NKAIN2: variants seen among roughly 807,000 people sequenced by gnomAD.
The protein encoded by NKAIN2 is sodium/potassium transporting ATPase interacting 2.
NKAIN2 carries 14 observed loss-of-function variants against 32.6 expected under a neutral mutation model. The observed-to-expected ratio is 0.43, with a 90% CI of 0.28 to 0.67. The LOEUF is 0.67. NKAIN2 is among the 30% of genes least tolerant of loss of function. NKAIN2 has a pLI of 0.17. For synonymous variants in NKAIN2, 80 were observed against 87.2 expected (o/e 0.92, Z 0.46); for missense variants, 198 against 258.3 (o/e 0.77, Z 1.60).
At chr6:124,461,717 G>C (rs1246666268) in intron 3 of NKAIN2, among the ~76,000 whole-genome samples, 1 of 151,744 alleles carries the variant, frequency 6.6e-6, no homozygotes, top group Non-Finnish European at 1.5e-5. Context: ...TAATTGGCTA[G>C]TGCACTCATT....
intron 1 of NKAIN2, among the ~76,000 whole-genome samples, chr6:124,085,410 A>T: frequency 6.6e-6 from 1 of 152,068 alleles, no homozygotes; most frequent in East Asian, 1.9e-4. Context: ...CAGAGTATCT[A>T]TGTATTTCAG....
intron 1 of NKAIN2, among the ~76,000 whole-genome samples, chr6:123,925,211 A>C (rs1396576277): frequency 6.6e-6 from 1 of 152,204 alleles, no homozygotes; most frequent in Non-Finnish European, 1.5e-5. Flanking sequence ...TATGACCTGC[A>C]GTAAAAAGAA....
chr6:123,873,530 T>G (rs2114294367), intron 1 of NKAIN2, among the ~76,000 whole-genome samples: 1 of 152,266 alleles, frequency 6.6e-6, no homozygotes, highest in South Asian at 2.1e-4. Flanking sequence ...TTTTTGAAGG[T>G]TTCTCTGAAG....
At chr6:124,808,699 G>C (rs1319807434) in intron 5 of NKAIN2, among the ~76,000 whole-genome samples, 3 of 152,202 alleles carry the variant, frequency 2.0e-5, no homozygotes, top group Non-Finnish European at 4.4e-5. Flanking sequence ...AATTGTCCCT[G>C]TTTGCAGATG....
At chr6:124,272,698 A>G (rs1043278869) in intron 1 of NKAIN2, among the ~76,000 whole-genome samples, 1 of 152,142 alleles carries the variant, frequency 6.6e-6, no homozygotes, top group African/African-American at 2.4e-5. Flanking sequence ...AACAGCTTGC[A>G]CCATGCACCT....
At chr6:124,414,283 A>G (rs1466947149) in intron 3 of NKAIN2, among the ~76,000 whole-genome samples, 12 of 152,156 alleles carry the variant, frequency 7.9e-5, no homozygotes, top group Admixed American at 7.9e-4. Flanking sequence ...TTCACTTATT[A>G]AGATGATCAC....
At chr6:124,751,911 A>G (rs932247552) in intron 4 of NKAIN2, among the ~76,000 whole-genome samples, 7 of 151,878 alleles carry the variant, frequency 4.6e-5, no homozygotes, top group Non-Finnish European at 7.4e-5. Context: ...GGTCCTGGGA[A>G]ATTGAGGCTG....
rs765498480 is a variant in NKAIN2 at position 123,904,516 on chromosome 6, CT to C, written c.54+100266del. Among the ~76,000 whole-genome samples, 21 of 152,290 alleles carry C rather than the reference CT, an allele frequency of 1.4e-4. No homozygotes were observed. The East Asian group carries it at 2.7e-3, about 20-fold the overall frequency. ...TTGTTTCCCGGGTTACCCTCTCAGA[CT>C]TTTGCAATGTTCAGCCTTGCTTTAA... On this transcript the variant is annotated intron_variant, in intron 1 of 6. Coordinates refer to ENST00000368417, the MANE Select transcript of NKAIN2 (RefSeq NM_001040214.3).
chr6:124,727,038 C>T (rs1184427648), intron 4 of NKAIN2, among the ~76,000 whole-genome samples: 6 of 151,750 alleles, frequency 4.0e-5, no homozygotes, highest in Admixed American at 6.6e-5. Flanking sequence ...GCAAAGCCTC[C>T]AAGAAATATG....
chr6:124,087,960 T>G (rs1394406168), intron 1 of NKAIN2, among the ~76,000 whole-genome samples: 1 of 151,994 alleles, frequency 6.6e-6, no homozygotes, highest in Non-Finnish European at 1.5e-5. Context: ...AATGTGTAGC[T>G]TAAGGATTTA....
intron 1 of NKAIN2, among the ~76,000 whole-genome samples, chr6:124,120,071 A>G (rs1379807835): frequency 1.3e-5 from 2 of 152,214 alleles, no homozygotes; most frequent in Non-Finnish European, 2.9e-5. Context: ...GGAAGCAAAG[A>G]AAACAGGTGT....
intron 1 of NKAIN2, among the ~76,000 whole-genome samples, chr6:124,071,667 C>T (rs1001199628): frequency 2.0e-5 from 3 of 151,990 alleles, no homozygotes; most frequent in Non-Finnish European, 2.9e-5. Flanking sequence ...GGGCAAAACA[C>T]ATGCACAGAC....
At chr6:124,181,946 G>T (rs761758254) in intron 1 of NKAIN2, among the ~76,000 whole-genome samples, 1 of 152,068 alleles carries the variant, frequency 6.6e-6, no homozygotes, top group African/African-American at 2.4e-5. Flanking sequence ...GTTATCTTTA[G>T]AGCAGCACCG....
intron 2 of NKAIN2, among the ~76,000 whole-genome samples, chr6:124,302,481 T>C (rs925111861): frequency 1.1e-4 from 16 of 152,212 alleles, no homozygotes; most frequent in African/African-American, 3.6e-4. Flanking sequence ...TTTATAATTT[T>C]TGAGTATGCT....
intron 3 of NKAIN2, among the ~76,000 whole-genome samples, chr6:124,368,515 T>A (rs1177731638): frequency 6.6e-6 from 1 of 152,120 alleles, no homozygotes; most frequent in Non-Finnish European, 1.5e-5. Context: ...TGATGGGTAT[T>A]GAAAGAGGGT....
Position 124,717,304 on chromosome 6 carries a change from ACTGT to A in NKAIN2, c.474+58921_474+58924del, listed in dbSNP as rs546829568. Among the ~76,000 whole-genome samples the A allele has an allele frequency of 2.1e-3, 320 of 152,302 alleles. 1 individual carries two copies. Among genetic ancestry groups the A allele is most frequent in the African/African-American group, 7.4e-3 (306 of 41,562 alleles). ...CACTTTATATATGTAACATTTTCCC[ACTGT>A]CTAAGACAATTGGTGATACTCAATA... On this transcript the variant is annotated intron_variant, in intron 4 of 6. Transcript: ENST00000368417.
chr6:124,104,376 A>T (rs957150475), intron 1 of NKAIN2, among the ~76,000 whole-genome samples: 2 of 152,040 alleles, frequency 1.3e-5, no homozygotes, highest in African/African-American at 4.8e-5. Context: ...GATGATGATG[A>T]TATTTTGGTG....
At chr6:124,696,655 G>A (rs1774512216) in intron 4 of NKAIN2, among the ~76,000 whole-genome samples, 1 of 152,074 alleles carries the variant, frequency 6.6e-6, no homozygotes, top group Admixed American at 6.5e-5. Flanking sequence ...ACCCTGACAA[G>A]TTAAATTGCT....
intron 4 of NKAIN2, among the ~76,000 whole-genome samples, chr6:124,741,304 T>A: frequency 6.6e-6 from 1 of 151,836 alleles, no homozygotes; most frequent in East Asian, 2.0e-4. Context: ...CATTAATATT[T>A]AGATATTACT....
Sources: allele counts gnomAD v4.1 joint callset (sites outside exome capture counted in the v4.1 genomes callset), GRCh38; gene constraint gnomAD v4.1.1; transcripts MANE v1.5; gene names NCBI Gene and HGNC (gene_info 2026-07-23, HGNC 2026-07-21).